The following FBN1 variants were observed in gnomAD, a reference collection of about 807,000 sequenced individuals.
The protein encoded by FBN1 is fibrillin 1.
A neutral mutation model predicts 365.1 loss-of-function variants in FBN1; 29 were observed. The observed-to-expected ratio is 0.08, with a 90% confidence interval of 0.06 to 0.11. FBN1 has a LOEUF of 0.11. FBN1 is among the 10% of genes least tolerant of loss of function. FBN1 has a pLI of 1.00. For synonymous variants in FBN1, 1,210 were observed against 1,270.5 expected, an observed-to-expected ratio of 0.95 and a Z score of 1.01; for missense variants, 2,476 against 3,703.2, an observed-to-expected ratio of 0.67 and a Z score of 8.60.
chr15:48,606,671 T>C (rs1219943621), intron 4 of FBN1, among the ~76,000 whole-genome samples: 1 of 152,174 alleles, frequency 6.6e-6, no homozygotes, highest in Non-Finnish European at 1.5e-5. Flanking sequence ...ACTGTATTGA[T>C]TTTGTGATAT....
At chr15:48,450,097 A>T (rs574418562) in intron 45 of FBN1, among the ~76,000 whole-genome samples, 21 of 152,358 alleles carry the variant, frequency 1.4e-4, no homozygotes, top group African/African-American at 4.8e-4. Context: ...TTAACAAATT[A>T]TGATTATTCC....
intron 19 of FBN1, among the ~76,000 whole-genome samples, chr15:48,496,900 G>A (rs1222715541): frequency 1.3e-5 from 2 of 152,122 alleles, no homozygotes; most frequent in African/African-American, 4.8e-5. Flanking sequence ...ATAAATGGTT[G>A]GGAGAAGAGC....
At chr15:48,645,225 C>G (rs1214842886) in intron 1 of FBN1, among the ~76,000 whole-genome samples, 1 of 152,198 alleles carries the variant, frequency 6.6e-6, no homozygotes, top group Non-Finnish European at 1.5e-5. Flanking sequence ...CGGGCGAGCT[C>G]TCTGGGTTTA....
chr15:48,435,776 G>A (rs4272982), intron 53 of FBN1, among the ~76,000 whole-genome samples: 1,232 of 28,036 alleles, frequency 0.044, 14 homozygotes, highest in African/African-American at 0.1. Flanking sequence ...GTGTATATGT[G>A]TGTGTGTGTG....
At chr15:48,484,828 T>C (rs953796413) in intron 30 of FBN1, among the ~76,000 whole-genome samples, 2 of 152,226 alleles carry the variant, frequency 1.3e-5, no homozygotes, top group African/African-American at 2.4e-5. Context: ...TTCTCACCTC[T>C]ACCTGGCTCA....
intron 47 of FBN1, among the ~76,000 whole-genome samples, chr15:48,446,449 T>A (rs2043159807): frequency 6.6e-6 from 1 of 152,184 alleles, no homozygotes; most frequent in Admixed American, 6.5e-5. Flanking sequence ...AAAAACATGG[T>A]ATATAGAGGG....
At chr15:48,492,413 T>C (rs756949653) in intron 24 of FBN1, 48 bp downstream of exon 24, 4 of 1,575,102 alleles carry the variant, frequency 2.5e-6, no homozygotes, top group South Asian at 1.1e-5. Flanking sequence ...TCATTTTTAA[T>C]AATCGTTAAT....
intron 6 of FBN1, among the ~76,000 whole-genome samples, chr15:48,560,822 C>T (rs971762403): frequency 6.6e-6 from 1 of 152,120 alleles, no homozygotes; most frequent in Admixed American, 6.6e-5. Flanking sequence ...ACGTCCCCTG[C>T]ATGCCACAGT....
chr15:48,489,035 G>A lies in FBN1; in HGVS notation c.3083-542C>T, dbSNP rs181896099. On this transcript the variant is annotated intron_variant, in intron 25 of 65. Coordinates refer to ENST00000316623, the MANE Select transcript of FBN1 (RefSeq NM_000138.5). ...TATTTTCTTAATGTATATACCTTAA[G>A]ATGTCTTTCTTTCTTTTTTTGAGAC... Among the ~76,000 whole-genome samples the A allele has an allele frequency of 1.1e-3, 174 of 151,764 alleles. 2 individuals carry two copies. The highest frequency in any genetic ancestry group is 1.3e-3 in the Non-Finnish European group (91 of 67,926).
At chr15:48,605,590 A>G (rs1313578308) in intron 4 of FBN1, among the ~76,000 whole-genome samples, 1 of 152,248 alleles carries the variant, frequency 6.6e-6, no homozygotes, top group Non-Finnish European at 1.5e-5. Context: ...TGGGCAAAAG[A>G]GGCCAGGCAC....
rs768688637 is a variant in FBN1, at chr15:48,487,160, A to G, written c.3504T>C (p.Asn1168=). The G allele has an allele frequency of 3.1e-6, 5 of 1,614,080 alleles. No homozygotes were observed. The African/African-American group carries it at 5.3e-5, about 17-fold the overall frequency. Residue 1168 remains asparagine, a synonymous_variant, in exon 29 of 66, where the codon AAT becomes AAC. Coordinates refer to ENST00000316623, the MANE Select transcript of FBN1 (RefSeq NM_000138.5). ...ECELSAHLCP[N]GRCVNLIGKY... ...TCCCTATGAGGTTCACGCAACGGCC[A>G]TTGGGGCACAGGTGTGCACTCAGCT...
chr15:48,610,862 T>A, intron 3 of FBN1, 36 bp from the exon 4 acceptor site: 1 of 1,565,684 alleles, frequency 6.4e-7, no homozygotes, highest in South Asian at 1.1e-5. Flanking sequence ...GCACATGGAT[T>A]TGGAACACGA....
chr15:48,532,837 T>C (rs1264814206), intron 8 of FBN1, among the ~76,000 whole-genome samples: 1 of 150,896 alleles, frequency 6.6e-6, no homozygotes, highest in South Asian at 2.1e-4. Context: ...ACTTAAAATG[T>C]TTTTTTAAGA....
chr15:48,425,616 G>C, intron 59 of FBN1, 123 bp downstream of exon 59: 1 of 1,537,376 alleles, frequency 6.5e-7, no homozygotes, highest in Non-Finnish European at 9.0e-7. Flanking sequence ...TGTAGACTTT[G>C]ATGATTGTCC....
Position 48,600,244 on chromosome 15 carries a change from AAAG to A in FBN1, c.347-13_347-11del, listed in dbSNP as rs756583965. 99 of 1,609,508 alleles carry A rather than the reference AAAG, an allele frequency of 6.2e-5. 1 individual carries two copies. The highest frequency in any genetic ancestry group is 1.9e-4 in the South Asian group (17 of 90,982). On this transcript the variant is annotated splice_polypyrimidine_tract_variant and intron_variant, in intron 4 of 65. Transcript: ENST00000316623. ...ATATTGCAGTGTTGTACTTGAAAAA[AAAG>A]AAGAAGAATTCACTTTTGCAACTTA...
chr15:48,418,610 CT>C (rs2042918344), intron 63 of FBN1, among the ~76,000 whole-genome samples: 1 of 152,220 alleles, frequency 6.6e-6, no homozygotes, highest in East Asian at 1.9e-4. Context: ...CCTCTGCACT[CT>C]GGAGCAAATG....
intron 64 of FBN1, among the ~76,000 whole-genome samples, chr15:48,414,519 C>T (rs1597508856): frequency 6.6e-6 from 1 of 152,060 alleles, no homozygotes; most frequent in East Asian, 1.9e-4. Context: ...GGTGGACACC[C>T]GAGTCCAGAT....
At chr15:48,422,522 T>G (rs2042951759) in intron 60 of FBN1, among the ~76,000 whole-genome samples, 1 of 152,238 alleles carries the variant, frequency 6.6e-6, no homozygotes, top group Non-Finnish European at 1.5e-5. Context: ...TTTGCTGTTT[T>G]TAATCTACTC....
At chr15:48,486,456 C>A (rs1295007649) in intron 29 of FBN1, among the ~76,000 whole-genome samples, 1 of 152,154 alleles carries the variant, frequency 6.6e-6, no homozygotes, top group Non-Finnish European at 1.5e-5. Context: ...ACTGTCTGTG[C>A]CACTCTTCAC....
Sources: gnomAD v4.1 joint callset for allele counts (sites outside exome capture counted in the v4.1 genomes callset) on GRCh38, gnomAD v4.1.1 for gene constraint, MANE v1.5 for transcripts, NCBI Gene and HGNC (gene_info 2026-07-23, HGNC 2026-07-21) for gene names.